Variants in MYO3B observed in about 807,000 individuals in gnomAD.
MYO3B encodes myosin IIIB, also known as myosin-IIIb.
In MYO3B, 156 loss-of-function variants were observed where a neutral mutation model predicts 174.6. The ratio of observed to expected loss-of-function variants is 0.89; its 90% CI spans 0.78 to 1.02. The LOEUF (loss-of-function observed/expected upper bound fraction) is 1.02, where lower values mean the gene tolerates loss of function less well. MYO3B is among the 50% of genes least tolerant of loss of function. MYO3B has a pLI of 0.00. For missense variants in MYO3B, 1,632 were observed against 1,639.4 expected, an observed-to-expected ratio of 1.00 and a Z score of 0.08; for synonymous variants, 563 against 569.1, an observed-to-expected ratio of 0.99 and a Z score of 0.15.
intron 28 of MYO3B, among the ~76,000 whole-genome samples, chr2:170,505,413 G>C (rs2106097809): frequency 6.6e-6 from 1 of 152,210 alleles, no homozygotes; most frequent in African/African-American, 2.4e-5. Context: ...TACATACTTT[G>C]TTAAAATCCG....
Position 170,208,298 on chromosome 2 carries a change from G to A in MYO3B, c.322-6081G>A, listed in dbSNP as rs188207729. Among the ~76,000 whole-genome samples, 409 of 152,284 alleles carry A rather than the reference G, an allele frequency of 2.7e-3. 3 individuals are homozygous for A. Among genetic ancestry groups the A allele is most frequent in the Non-Finnish European group, 4.2e-3 (288 of 68,012 alleles). On this transcript the variant is annotated intron_variant, in intron 3 of 34. Transcript: ENST00000408978. ...AGCCAAATGCTAAGGTGAAGCTGTG[G>A]AATTGAGTCCTCCTCCAACAAGGGA...
At position 170,391,633 on chromosome 2, in the gene MYO3B, G is replaced by A. The variant is rs2094412679; in HGVS notation, c.1676+15G>A. On this transcript the variant is annotated intron_variant, in intron 15 of 34. Transcript: ENST00000408978. ...AAACCTCCTAGGTAAGTGTCAGGGGGGTTGGTTGTTAATTTTTGATGAATG... is the reference window on the plus strand; with the variant it reads ...AAACCTCCTAGGTAAGTGTCAGGGGAGTTGGTTGTTAATTTTTGATGAATG... The A allele has an allele frequency of 2.1e-6, 3 of 1,451,236 alleles. No homozygotes were observed. The highest frequency in any genetic ancestry group is 2.2e-5 in the Admixed American group (1 of 44,482). 89.9% of individuals were successfully genotyped at this position (1,451,236 alleles called of 1,614,324 possible).
At chr2:170,244,988 G>A (rs1298377934) in intron 7 of MYO3B, among the ~76,000 whole-genome samples, 2 of 152,148 alleles carry the variant, frequency 1.3e-5, no homozygotes, top group South Asian at 2.1e-4. Flanking sequence ...GAACACACTG[G>A]CTGGGGTAAA....
At chr2:170,476,180 C>T (rs1216929157) in intron 25 of MYO3B, among the ~76,000 whole-genome samples, 1 of 152,210 alleles carries the variant, frequency 6.6e-6, no homozygotes, top group Non-Finnish European at 1.5e-5. Context: ...CGTGCAGGAG[C>T]TGGGACAAGC....
chr2:170,226,128 G>A (rs4668225), intron 6 of MYO3B, among the ~76,000 whole-genome samples: 102,039 of 152,042 alleles, frequency 0.67, 34,767 homozygotes, highest in African/African-American at 0.78. Flanking sequence ...TGTTGATGCC[G>A]TGGCTGCTAG....
At position 170,591,301 on chromosome 2, in the gene MYO3B, T is replaced by A. The variant is rs561556782; in HGVS notation, c.3733+47313T>A. ...AGGCTCATCTCATTTCCAGGAGGCC[T>A]AAAACTCTTGGGTGTCTGTATTAAA... On this transcript the variant is annotated intron_variant, in intron 32 of 34. Coordinates refer to ENST00000408978, the MANE Select transcript of MYO3B (RefSeq NM_138995.5). Among the ~76,000 whole-genome samples, 43 of 152,324 alleles carry A rather than the reference T, an allele frequency of 2.8e-4. 1 individual carries two copies. Among genetic ancestry groups the A allele is most frequent in the Admixed American group, 1.7e-3 (26 of 15,306 alleles).
intron 24 of MYO3B, among the ~76,000 whole-genome samples, chr2:170,465,246 C>T (rs895473329): frequency 6.6e-6 from 1 of 152,088 alleles, no homozygotes; most frequent in African/African-American, 2.4e-5. Context: ...CTGGCACCAG[C>T]ATCTACTTGG....
chr2:170,211,057 C>G (rs759208085), intron 3 of MYO3B, among the ~76,000 whole-genome samples: 2 of 152,106 alleles, frequency 1.3e-5, no homozygotes, highest in African/African-American at 4.8e-5. Context: ...GACTGGGAGG[C>G]AAAATCAGAG....
At chr2:170,217,038 G>GAA (rs5836266) in intron 5 of MYO3B, among the ~76,000 whole-genome samples, 52,260 of 148,934 alleles carry the variant, frequency 0.35, 9,154 homozygotes, top group Non-Finnish European at 0.39. Flanking sequence ...TAAATGATTG[G>GAA]AAAAAAAAAA....
In MYO3B at chr2:170,483,409, C is replaced by T. The variant is rs1406492310; in HGVS notation, c.3015-15183C>T. ...TTTTTTTTTTTTTTTTTTTTTGAGACGGAGTCTAGCTCTGTCGCCCAGGCT... is the reference window on the plus strand; with the variant it reads ...TTTTTTTTTTTTTTTTTTTTTGAGATGGAGTCTAGCTCTGTCGCCCAGGCT... On this transcript the variant is annotated intron_variant, in intron 25 of 34. Transcript: ENST00000408978. Among the ~76,000 whole-genome samples, 10 of 59,524 alleles carry T rather than the reference C, an allele frequency of 1.7e-4. No homozygotes were observed. The East Asian group carries it at 2.5e-3, about 15-fold the overall frequency. The allele number at this position is 59,524 out of a possible 152,430, so 39.1% of individuals were successfully genotyped here.
Position 170,219,569 on chromosome 2 carries a change from G to T in MYO3B, c.603+2174G>T, listed in dbSNP as rs572743491. Among the ~76,000 whole-genome samples the T allele has an allele frequency of 3.9e-5, 6 of 151,962 alleles. No individual in the cohort carries two copies. In the South Asian group the frequency reaches 1.2e-3, roughly 32 times the overall value. ...TGAGGCAGGAGAATTGTTTGAACCCGGGAGGCAGAGGTTGCAGTGAGCAGA... is the reference window on the plus strand; with the variant it reads ...TGAGGCAGGAGAATTGTTTGAACCCTGGAGGCAGAGGTTGCAGTGAGCAGA... On this transcript the variant is annotated intron_variant, in intron 6 of 34. Transcript: ENST00000408978.
intron 32 of MYO3B, among the ~76,000 whole-genome samples, chr2:170,649,330 T>TATATATAAAATAATATATA (rs1698791924): frequency 1.1e-5 from 1 of 90,036 alleles, no homozygotes; most frequent in African/African-American, 5.3e-5. Flanking sequence ...AATAATATAA[T>TATATATAAAATAATATATA]ATATATTATA....
rs931674847 is a variant in MYO3B at position 170,551,181 on chromosome 2, T to C, written c.3733+7193T>C. On this transcript the variant is annotated intron_variant, in intron 32 of 34. Transcript: ENST00000408978. ...TCTCAGAATGCTGGGATTACAGGCA[T>C]GAGCCACCACACCCAGCCAGAAATT... Among the ~76,000 whole-genome samples the C allele has an allele frequency of 2.0e-5, 3 of 152,094 alleles. No individual in the cohort carries two copies. In the East Asian group the frequency reaches 5.8e-4, roughly 29 times the overall value.
At position 170,178,210 on chromosome 2, in the gene MYO3B, G is replaced by T; in HGVS notation, c.-78G>T. The T allele has an allele frequency of 6.4e-7, 1 of 1,573,548 alleles. No homozygotes were observed. The highest frequency in any genetic ancestry group is 1.1e-5 in the South Asian group (1 of 90,276). ...TAGTCATCAAAGACACCATTTTCTGGGCCTGAAGTGTTCTGCTGGTTTTTG... is the reference window on the plus strand; with the variant it reads ...TAGTCATCAAAGACACCATTTTCTGTGCCTGAAGTGTTCTGCTGGTTTTTG... On this transcript the variant is annotated 5_prime_UTR_variant, in exon 1 of 35. Coordinates refer to ENST00000408978, the MANE Select transcript of MYO3B (RefSeq NM_138995.5).
Position 170,369,386 on chromosome 2 carries a change from C to T in MYO3B, c.971+9C>T. 1 of 1,608,906 alleles carries T rather than the reference C, an allele frequency of 6.2e-7. No individual in the cohort carries two copies. The highest frequency in any genetic ancestry group is 8.5e-7 in the Non-Finnish European group (1 of 1,176,862). Reference sequence around the variant, plus strand: ...CCTGTTGCTAAAACCAGGTACTGTACTCTCTTTCTTCTTTCTCCCTGTGGT... The same window carrying T: ...CCTGTTGCTAAAACCAGGTACTGTATTCTCTTTCTTCTTTCTCCCTGTGGT... On this transcript the variant is annotated intron_variant, in intron 9 of 34. Transcript: ENST00000408978.
At chr2:170,257,322 A>C (rs1432991658) in intron 7 of MYO3B, among the ~76,000 whole-genome samples, 1 of 152,148 alleles carries the variant, frequency 6.6e-6, no homozygotes, top group African/African-American at 2.4e-5. Flanking sequence ...ACTCTGATCA[A>C]CTGCATTCTC....
chr2:170,231,888 G>A (rs1244633894), intron 6 of MYO3B, among the ~76,000 whole-genome samples: 5 of 152,176 alleles, frequency 3.3e-5, no homozygotes, highest in Non-Finnish European at 7.3e-5. Context: ...GGATCGTATA[G>A]GTTATTTATT....
intron 30 of MYO3B, among the ~76,000 whole-genome samples, chr2:170,530,532 C>G (rs1000046943): frequency 8.5e-5 from 13 of 152,216 alleles, no homozygotes; most frequent in Admixed American, 7.9e-4. Flanking sequence ...GCTGTTAGCT[C>G]TGAGAACCAC....
intron 1 of MYO3B, among the ~76,000 whole-genome samples, chr2:170,191,557 C>T (rs2092540977): frequency 6.6e-6 from 1 of 152,114 alleles, no homozygotes. Context: ...AATGCTTCCT[C>T]CGTGGATGCT....
Sources: allele counts gnomAD v4.1 joint callset (sites outside exome capture counted in the v4.1 genomes callset), GRCh38; gene constraint gnomAD v4.1.1; transcripts MANE v1.5; gene names NCBI Gene and HGNC (gene_info 2026-07-23, HGNC 2026-07-21).